Variants in HERC3 observed in about 807,000 individuals in gnomAD.
HERC3 encodes the protein probable E3 ubiquitin-protein ligase HERC3.
Under a neutral mutation model 129.9 loss-of-function variants are expected in HERC3, and 58 were observed. The observed-to-expected ratio is 0.45, with a 90% confidence interval of 0.36 to 0.56. The LOEUF is 0.56. Among genes scored for constraint, HERC3 ranks in the 20% least tolerant of loss-of-function variants. The pLI, the probability that HERC3 is intolerant of heterozygous loss-of-function variation, is 0.00. For synonymous variants in HERC3, 430 were observed against 451.0 expected, an observed-to-expected ratio of 0.95 and a Z score of 0.59; for missense variants, 835 against 1,244.2, an observed-to-expected ratio of 0.67 and a Z score of 4.95.
intron 6 of HERC3, 67 bp from the exon 7 acceptor site, chr4:88,653,975 A>C (rs1578248955): frequency 8.5e-7 from 1 of 1,170,168 alleles, no homozygotes; most frequent in East Asian, 2.4e-5. Flanking sequence ...ATTCATGCCA[A>C]GATAGTTGTG....
At chr4:88,660,024 GAAAGT>G (rs1730319506) in intron 10 of HERC3, among the ~76,000 whole-genome samples, 1 of 152,170 alleles carries the variant, frequency 6.6e-6, no homozygotes, top group African/African-American at 2.4e-5. Flanking sequence ...AAAGAAAAAG[GAAAGT>G]AAACATTACT....
At chr4:88,627,084 A>G (rs972498026) in intron 3 of HERC3, among the ~76,000 whole-genome samples, 1 of 152,018 alleles carries the variant, frequency 6.6e-6, no homozygotes, top group African/African-American at 2.4e-5. Context: ...CTTTAATTCC[A>G]TGTGTTTTTG....
At chr4:88,625,330 G>A (rs184484046) in intron 3 of HERC3, among the ~76,000 whole-genome samples, 11 of 152,138 alleles carry the variant, frequency 7.2e-5, no homozygotes, top group Middle Eastern at 3.4e-3. Flanking sequence ...CATGAACATG[G>A]TGTGTCTCTC....
Position 88,605,814 on chromosome 4 carries a change from G to C in HERC3, c.-10G>C. 6.2e-7 allele frequency: 1 copy of C among 1,607,182 alleles called. No homozygotes were observed. The highest frequency in any genetic ancestry group is 8.5e-7 in the Non-Finnish European group (1 of 1,173,710). On this transcript the variant is annotated 5_prime_UTR_variant, in exon 3 of 26. Transcript: ENST00000402738. ...TCCTAGGCTACATGATTCCCTGAAA[G>C]ATAAGAACAATGTTATGTTGGGGAT...
At position 88,706,799 on chromosome 4, in the gene HERC3, C is replaced by G. The variant is rs1328931656; in HGVS notation, c.2992C>G (p.Leu998Val). 1 of 1,614,200 alleles carries G rather than the reference C, an allele frequency of 6.2e-7. No individual in the cohort carries two copies. Among genetic ancestry groups the G allele is most frequent in the Non-Finnish European group, 8.5e-7 (1 of 1,180,036 alleles). Residue 998 changes from leucine to valine, a missense_variant, in exon 26 of 26, where the codon CTG becomes GTG. Transcript: ENST00000402738. ...DRIPIYGMASLQIVIQSTASG... is the reference protein window; with the variant it reads ...DRIPIYGMASVQIVIQSTASG... The stretch of plus-strand genomic sequence containing the variant: ...GATTCCCATCTACGGCATGGCCAGT[C>G]TGCAGATTGTCATCCAGTCCACAGC...
chr4:88,536,166 T>A, the HERC3 span, among the ~76,000 whole-genome samples: 16 of 152,224 alleles, frequency 1.1e-4, no homozygotes, highest in Admixed American at 6.5e-5. Flanking sequence ...CCAGACTGTC[T>A]CCAGCATATT....
chr4:88,593,885 TG>T (rs1722036508), intron 1 of HERC3, among the ~76,000 whole-genome samples: 1 of 152,166 alleles, frequency 6.6e-6, no homozygotes, highest in South Asian at 2.1e-4. Context: ...TCCTTTACCC[TG>T]GGGGAGGAGG....
chr4:88,576,192 A>C, the HERC3 span, among the ~76,000 whole-genome samples: 1 of 152,160 alleles, frequency 6.6e-6, no homozygotes, highest in South Asian at 2.1e-4. Context: ...AGCTACTGCC[A>C]TTCTAGCCCA....
At chr4:88,637,966 A>AT (rs35699747) in intron 3 of HERC3, among the ~76,000 whole-genome samples, 16,210 of 152,192 alleles carry the variant, frequency 0.11, 1,547 homozygotes, top group East Asian at 0.29. Flanking sequence ...TAACACCTCC[A>AT]GCAAATAAAC....
intron 21 of HERC3, among the ~76,000 whole-genome samples, chr4:88,684,223 A>G (rs1290334717): frequency 6.6e-6 from 1 of 152,238 alleles, no homozygotes; most frequent in East Asian, 1.9e-4. Context: ...ACTATACTGC[A>G]AGGCTATAGT....
At chr4:88,577,450 C>T in the HERC3 span, among the ~76,000 whole-genome samples, 1 of 151,960 alleles carries the variant, frequency 6.6e-6, no homozygotes, top group Non-Finnish European at 1.5e-5. Context: ...ACATTTTCAA[C>T]CTTAATTATA....
At chr4:88,590,197 G>A (rs1721626838), upstream of HERC3, among the ~76,000 whole-genome samples, 1 of 152,028 alleles carries the variant, frequency 6.6e-6, no homozygotes, top group Admixed American at 6.6e-5. Flanking sequence ...GAGCCGGGGA[G>A]GTGGATGTTG....
At chr4:88,665,651 T>C (rs1362579991) in intron 12 of HERC3, among the ~76,000 whole-genome samples, 1 of 152,182 alleles carries the variant, frequency 6.6e-6, no homozygotes, top group African/African-American at 2.4e-5. Context: ...TGGGTATTCC[T>C]TAATCTAGTC....
intron 3 of HERC3, among the ~76,000 whole-genome samples, chr4:88,617,049 T>G (rs1012478734): frequency 6.6e-6 from 1 of 151,988 alleles, no homozygotes; most frequent in South Asian, 2.1e-4. Flanking sequence ...TGGCTTGTTA[T>G]GTTGAAAGTA....
intron 3 of HERC3, among the ~76,000 whole-genome samples, chr4:88,627,001 C>G (rs1726173959): frequency 6.6e-6 from 1 of 151,994 alleles, no homozygotes; most frequent in African/African-American, 2.4e-5. Context: ...TGATTTATAA[C>G]TTTTCTTTTA....
chr4:88,587,358 G>A, the HERC3 span, among the ~76,000 whole-genome samples: 1 of 152,172 alleles, frequency 6.6e-6, no homozygotes, highest in Non-Finnish European at 1.5e-5. Context: ...CATTGCAGCT[G>A]ATTTTGCTTT....
intron 11 of HERC3, among the ~76,000 whole-genome samples, chr4:88,662,824 G>C (rs576060307): frequency 6.6e-6 from 1 of 152,092 alleles, no homozygotes; most frequent in South Asian, 2.1e-4. Flanking sequence ...ACTGATGAAG[G>C]CCTGAGTTGG....
At chr4:88,590,576 AAAC>A (rs1026701514), upstream of HERC3, among the ~76,000 whole-genome samples, 7 of 152,194 alleles carry the variant, frequency 4.6e-5, no homozygotes, top group African/African-American at 1.4e-4. Context: ...AAAAACAAAA[AAAC>A]AACAACAAAA....
chr4:88,673,031 G>T (rs1268706435), intron 16 of HERC3, among the ~76,000 whole-genome samples: 1 of 152,158 alleles, frequency 6.6e-6, no homozygotes, highest in Non-Finnish European at 1.5e-5. Flanking sequence ...AGAAGAGGTG[G>T]TAGTGGTTCC....
Sources: gnomAD v4.1 joint callset for allele counts (sites outside exome capture counted in the v4.1 genomes callset) on GRCh38, gnomAD v4.1.1 for gene constraint, MANE v1.5 for transcripts, NCBI Gene and HGNC (gene_info 2026-07-23, HGNC 2026-07-21) for gene names.